RASAL2: variants seen among roughly 807,000 people sequenced by gnomAD.
RASAL2 encodes the protein RAS protein activator like 2, also known as ras GTPase-activating protein nGAP.
RASAL2 carries 58 observed loss-of-function variants against 128.9 expected under a neutral mutation model. The ratio of observed to expected loss-of-function variants is 0.45; its 90% CI spans 0.36 to 0.56. The LOEUF is 0.56. RASAL2 is among the 20% of genes least tolerant of loss of function. The pLI, the probability that RASAL2 is intolerant of heterozygous loss-of-function variation, is 0.00. For missense variants in RASAL2, 1,360 were observed against 1,601.6 expected, an observed-to-expected ratio of 0.85 and a Z score of 2.57; for synonymous variants, 561 against 580.8, an observed-to-expected ratio of 0.97 and a Z score of 0.49.
chr1:178,332,960 A>G (rs999186254), intron 3 of RASAL2, among the ~76,000 whole-genome samples: 5 of 151,970 alleles, frequency 3.3e-5, no homozygotes, highest in Non-Finnish European at 7.4e-5. Context: ...TGTGGCCTTG[A>G]GAAATGTAAT....
At chr1:178,401,054 A>T (rs1673594812) in intron 4 of RASAL2, among the ~76,000 whole-genome samples, 1 of 152,220 alleles carries the variant, frequency 6.6e-6, no homozygotes, top group Non-Finnish European at 1.5e-5. Context: ...CCCAGCCAAT[A>T]GTCAAAATAA....
chr1:178,157,162 C>T (rs1368442404), intron 1 of RASAL2, among the ~76,000 whole-genome samples: 1 of 152,114 alleles, frequency 6.6e-6, no homozygotes. Context: ...TTTCCATGTT[C>T]TGTTTTCTGA....
At chr1:178,311,608 T>C (rs988202427) in intron 3 of RASAL2, among the ~76,000 whole-genome samples, 15 of 152,204 alleles carry the variant, frequency 9.9e-5, no homozygotes, top group Middle Eastern at 3.4e-3. Flanking sequence ...ACAGGGCATT[T>C]TACCACATAT....
intron 4 of RASAL2, among the ~76,000 whole-genome samples, chr1:178,392,322 C>T (rs1672963107): frequency 6.6e-6 from 1 of 152,222 alleles, no homozygotes; most frequent in South Asian, 2.1e-4. Context: ...GAAAGTACTC[C>T]AGGCTGTGGG....
At chr1:178,299,901 CCT>C in intron 2 of RASAL2, 89 bp from the exon 3 acceptor site, 1 of 1,346,780 alleles carries the variant, frequency 7.4e-7, no homozygotes, top group Non-Finnish European at 1.0e-6. Context: ...GTTACACACT[CCT>C]GTCTTCTTTG....
chr1:178,175,437 C>CGTGTGTGTGTGTGTGTGT (rs1158552851), intron 1 of RASAL2, among the ~76,000 whole-genome samples: 63 of 144,438 alleles, frequency 4.4e-4, no homozygotes, highest in African/African-American at 1.6e-3. Context: ...TACATGGTTA[C>CGTGTGTGTGTGTGTGTGT]GTGTGTGTGT....
chr1:178,325,592 G>T (rs1393965162), intron 3 of RASAL2, among the ~76,000 whole-genome samples: 1 of 152,184 alleles, frequency 6.6e-6, no homozygotes. Context: ...AATATCATTA[G>T]CAGTGCATAT....
chr1:178,223,628 G>A (rs973637004), intron 1 of RASAL2, among the ~76,000 whole-genome samples: 12 of 152,050 alleles, frequency 7.9e-5, no homozygotes, highest in Non-Finnish European at 1.5e-4. Context: ...GACAAGATGA[G>A]GTAAATTTGT....
intron 1 of RASAL2, among the ~76,000 whole-genome samples, chr1:178,159,463 G>A (rs1043962331): frequency 6.6e-6 from 1 of 152,220 alleles, no homozygotes; most frequent in South Asian, 2.1e-4. Context: ...CAGCGTAGCA[G>A]TTTCTGATGC....
At chr1:178,214,685 A>G (rs1346389143) in intron 1 of RASAL2, among the ~76,000 whole-genome samples, 2 of 151,940 alleles carry the variant, frequency 1.3e-5, no homozygotes, top group Non-Finnish European at 2.9e-5. Context: ...CAGCCTCCCA[A>G]GTAGCTGGGA....
At chr1:178,239,859 G>C (rs1664415148) in intron 1 of RASAL2, among the ~76,000 whole-genome samples, 1 of 151,968 alleles carries the variant, frequency 6.6e-6, no homozygotes, top group Admixed American at 6.6e-5. Context: ...CTTAAAGCTT[G>C]AGCTGGATGG....
intron 3 of RASAL2, among the ~76,000 whole-genome samples, chr1:178,377,633 A>G (rs1672061119): frequency 6.6e-6 from 1 of 152,142 alleles, no homozygotes; most frequent in South Asian, 2.1e-4. Context: ...GAAGTTAGAA[A>G]AATCTCTCAT....
rs1662892470 is a variant in RASAL2, at chr1:178,202,085, G to A, written c.203-81479G>A. 2.0e-5 allele frequency among the ~76,000 whole-genome samples: 3 copies of A among 152,194 alleles called. No homozygotes were observed. The South Asian group carries it at 6.2e-4, about 32-fold the overall frequency. On this transcript the variant is annotated intron_variant, in intron 1 of 17. Transcript: ENST00000367649. ...CATTGGACACTGGCTCTGAGCTGAC[G>A]TTGATTCCAGGGGACCCAAAACATC...
chr1:178,427,526 G>A (rs553094830), intron 5 of RASAL2, among the ~76,000 whole-genome samples: 1 of 152,256 alleles, frequency 6.6e-6, no homozygotes, highest in African/African-American at 2.4e-5. Flanking sequence ...TCATTGGTAG[G>A]TGGAATTATG....
intron 1 of RASAL2, among the ~76,000 whole-genome samples, chr1:178,127,022 T>C (rs1659926997): frequency 6.6e-6 from 1 of 152,228 alleles, no homozygotes; most frequent in African/African-American, 2.4e-5. Flanking sequence ...GTAGGATTGC[T>C]GTCTAATTCT....
intron 1 of RASAL2, among the ~76,000 whole-genome samples, chr1:178,216,342 GA>G (rs1252185680): frequency 2.6e-5 from 4 of 152,166 alleles, no homozygotes. Flanking sequence ...AGCCAGAGAA[GA>G]AATTTGTGAC....
At chr1:178,372,239 G>C (rs1274242842) in intron 3 of RASAL2, 1 of 985,244 alleles carries the variant, frequency 1.0e-6, no homozygotes, top group African/African-American at 1.7e-5. Flanking sequence ...TCTGGCTGGA[G>C]AATGAGTCTC....
intron 3 of RASAL2, among the ~76,000 whole-genome samples, chr1:178,368,302 G>A (rs988752771): frequency 6.6e-6 from 1 of 152,124 alleles, no homozygotes; most frequent in Non-Finnish European, 1.5e-5. Context: ...CTTATCTCAC[G>A]TGGTTGTTGT....
chr1:178,207,150 CAAAAA>C (rs11350533), intron 1 of RASAL2, among the ~76,000 whole-genome samples: 8 of 120,864 alleles, frequency 6.6e-5, no homozygotes, highest in Admixed American at 1.6e-4. Context: ...GACCTTGTCT[CAAAAA>C]AAAAAAAAAA....
Sources: gnomAD v4.1 joint callset for allele counts (sites outside exome capture counted in the v4.1 genomes callset) on GRCh38, gnomAD v4.1.1 for gene constraint, MANE v1.5 for transcripts, NCBI Gene and HGNC (gene_info 2026-07-23, HGNC 2026-07-21) for gene names.